ARHGAP6: variants seen among roughly 807,000 people sequenced by gnomAD.
ARHGAP6 encodes the protein rho GTPase-activating protein 6.
A neutral mutation model predicts 55.7 loss-of-function variants in ARHGAP6; 16 were observed. The ratio of observed to expected loss-of-function variants is 0.29; its 90% confidence interval spans 0.19 to 0.44. The LOEUF is 0.44. ARHGAP6 is among the 20% of genes least tolerant of loss of function. The pLI is 1.00. For missense variants in ARHGAP6, 698 were observed against 808.9 expected, an observed-to-expected ratio of 0.86 and a Z score of 1.66; for synonymous variants, 382 against 360.9, an observed-to-expected ratio of 1.06 and a Z score of -0.66.
intron 1 of ARHGAP6, among the ~76,000 whole-genome samples, chrX:11,400,037 A>G (rs2049528285): frequency 8.9e-6 from 1 of 112,055 alleles, no homozygotes; most frequent in Admixed American, 9.5e-5. Context: ...CTATGGGGAC[A>G]GAAAGTAATT....
chrX:11,658,348 G>C (rs897797432), intron 1 of ARHGAP6, among the ~76,000 whole-genome samples: 18 of 111,613 alleles, frequency 1.6e-4, no homozygotes, highest in Non-Finnish European at 3.8e-5. Context: ...TTCTAGCAGA[G>C]AGATAGCCTG....
chrX:11,151,750 T>A (rs1451592332), intron 10 of ARHGAP6, among the ~76,000 whole-genome samples: 3 of 112,419 alleles, frequency 2.7e-5, no homozygotes, highest in Non-Finnish European at 5.6e-5. Context: ...TTACACTCTT[T>A]TGAAACTTGT....
chrX:11,551,909 C>T (rs2051270333), intron 1 of ARHGAP6, among the ~76,000 whole-genome samples: 3 of 111,967 alleles, frequency 2.7e-5, no homozygotes, highest in Admixed American at 1.9e-4. Flanking sequence ...AGACTTCTAA[C>T]CTCCAGAACT....
chrX:11,334,941 G>C (rs1289942001), intron 1 of ARHGAP6: 1 of 135,149 alleles, frequency 7.4e-6, no homozygotes, highest in Admixed American at 8.4e-5. Context: ...AAAACTGCAA[G>C]TCTTGGGGTT....
rs1555989396 is a variant in ARHGAP6, at chrX:11,320,810, CAG to C, written c.589-66105_589-66104del. Among the ~76,000 whole-genome samples the C allele has an allele frequency of 2.3e-4, 23 of 100,534 alleles. No homozygotes were observed. The South Asian group carries it at 3.0e-3, about 13-fold the overall frequency. 87.3% of individuals were successfully genotyped at this position (100,534 alleles called of 115,157 possible). The stretch of plus-strand genomic sequence containing the variant: ...ACACACACACACACACACACACACA[CAG>C]GTGTATAATATACACACACACACAT... On this transcript the variant is annotated intron_variant, in intron 1 of 12. Transcript: ENST00000337414.
At chrX:11,549,806 C>A (rs1038169036) in intron 1 of ARHGAP6, among the ~76,000 whole-genome samples, 6 of 112,349 alleles carry the variant, frequency 5.3e-5, no homozygotes, top group African/African-American at 1.9e-4. Context: ...TGTTTAGAAA[C>A]GTTTATAGCA....
intron 1 of ARHGAP6, among the ~76,000 whole-genome samples, chrX:11,413,188 C>A (rs956490519): frequency 8.9e-6 from 1 of 112,498 alleles, no homozygotes; most frequent in African/African-American, 3.2e-5. Flanking sequence ...CCTGCACAGT[C>A]CAGTGAGACA....
intron 1 of ARHGAP6, among the ~76,000 whole-genome samples, chrX:11,624,368 G>A (rs921624095): frequency 5.4e-5 from 6 of 112,010 alleles, no homozygotes; most frequent in Non-Finnish European, 5.6e-5. Flanking sequence ...AGCAAAAATT[G>A]ACAAATCAGA....
chrX:11,427,046 T>A (rs1017835357), intron 1 of ARHGAP6, among the ~76,000 whole-genome samples: 1 of 110,562 alleles, frequency 9.0e-6, no homozygotes, highest in Non-Finnish European at 1.9e-5. Context: ...CGCCACAAAG[T>A]AGGAGGGAAA....
intron 1 of ARHGAP6, among the ~76,000 whole-genome samples, chrX:11,335,472 T>C (rs111634362): frequency 0.05 from 5,604 of 111,182 alleles, 143 homozygotes; most frequent in Middle Eastern, 0.098. Context: ...ACATGCGCTG[T>C]TTGGTTTTCT....
intron 1 of ARHGAP6, among the ~76,000 whole-genome samples, chrX:11,378,692 G>T (rs1194987535): frequency 2.7e-5 from 3 of 111,983 alleles, no homozygotes; most frequent in Non-Finnish European, 5.6e-5. Context: ...TAAGACTTGG[G>T]TACCATTATT....
intron 1 of ARHGAP6, among the ~76,000 whole-genome samples, chrX:11,361,436 A>G (rs1417561622): frequency 9.0e-6 from 1 of 111,553 alleles, no homozygotes; most frequent in East Asian, 2.8e-4. Context: ...GGTGCTGGGA[A>G]AACTGGCTAG....
intron 1 of ARHGAP6, among the ~76,000 whole-genome samples, chrX:11,351,986 G>A (rs2048868736): frequency 8.9e-6 from 1 of 112,455 alleles, no homozygotes; most frequent in Admixed American, 9.4e-5. Flanking sequence ...CATAAGGCAA[G>A]TCCAACACTC....
At chrX:11,276,692 GATTT>G (rs1445549654) in intron 1 of ARHGAP6, among the ~76,000 whole-genome samples, 2 of 111,738 alleles carry the variant, frequency 1.8e-5, no homozygotes, top group African/African-American at 3.2e-5. Flanking sequence ...CCACTTTTCA[GATTT>G]ATTTTTCAAA....
At chrX:11,344,377 T>G (rs2048744777) in intron 1 of ARHGAP6, among the ~76,000 whole-genome samples, 1 of 110,885 alleles carries the variant, frequency 9.0e-6, no homozygotes, top group Non-Finnish European at 1.9e-5. Flanking sequence ...TAGAATCAAT[T>G]AATACTGATG....
At chrX:11,243,543 G>C (rs2047313177) in intron 2 of ARHGAP6, among the ~76,000 whole-genome samples, 1 of 112,120 alleles carries the variant, frequency 8.9e-6, no homozygotes. Context: ...TGTGTCTATA[G>C]ACTGCATGGT....
At chrX:11,438,382 C>A (rs945663741) in intron 1 of ARHGAP6, among the ~76,000 whole-genome samples, 4 of 112,736 alleles carry the variant, frequency 3.5e-5, no homozygotes, top group African/African-American at 9.7e-5. Flanking sequence ...GTTCAAATTT[C>A]ACTGTTTCAT....
chrX:11,300,052 T>C (rs2048150181), intron 1 of ARHGAP6, among the ~76,000 whole-genome samples: 1 of 112,028 alleles, frequency 8.9e-6, no homozygotes, highest in Non-Finnish European at 1.9e-5. Flanking sequence ...TTTTTGAAAA[T>C]TGATTGAATC....
chrX:11,291,384 C>T (rs2047988564), intron 1 of ARHGAP6, among the ~76,000 whole-genome samples: 1 of 111,552 alleles, frequency 9.0e-6, no homozygotes, highest in African/African-American at 3.3e-5. Flanking sequence ...ATTAAGGCAG[C>T]ATCCTGTTGA....
Sources: allele counts gnomAD v4.1 joint callset (sites outside exome capture counted in the v4.1 genomes callset), GRCh38; gene constraint gnomAD v4.1.1; transcripts MANE v1.5; gene names NCBI Gene and HGNC (gene_info 2026-07-23, HGNC 2026-07-21).